SH3RF3: variants seen among roughly 807,000 people sequenced by gnomAD.
The protein encoded by SH3RF3 is SH3 domain containing ring finger 3.
A neutral mutation model predicts 66.3 loss-of-function variants in SH3RF3; 29 were observed. The ratio of observed to expected loss-of-function variants is 0.44; its 90% CI spans 0.33 to 0.60. The LOEUF (loss-of-function observed/expected upper bound fraction) is 0.60. Ranked by LOEUF, SH3RF3 falls within the 20% of genes least tolerant of loss-of-function variation. The probability of loss-of-function intolerance (pLI) is 0.04; values close to 1 mark genes in which losing one functional copy is unlikely to be tolerated. For synonymous variants in SH3RF3, 583 were observed against 532.0 expected, an observed-to-expected ratio of 1.10 and a Z score of -1.32; for missense variants, 1,194 against 1,190.9, an observed-to-expected ratio of 1.00 and a Z score of -0.04.
chr2:109,268,952 C>T (rs760241630), intron 1 of SH3RF3, among the ~76,000 whole-genome samples: 1 of 152,088 alleles, frequency 6.6e-6, no homozygotes, highest in Non-Finnish European at 1.5e-5. Flanking sequence ...TATCTTTTTC[C>T]GTTTTCTGGG....
intron 1 of SH3RF3, among the ~76,000 whole-genome samples, chr2:109,222,358 A>G (rs1484175338): frequency 6.6e-6 from 1 of 152,264 alleles, no homozygotes; most frequent in East Asian, 1.9e-4. Flanking sequence ...GTCCCAACAC[A>G]AAGAAATGAT....
intron 4 of SH3RF3, among the ~76,000 whole-genome samples, chr2:109,404,796 C>T (rs1226571925): frequency 6.6e-6 from 1 of 152,164 alleles, no homozygotes; most frequent in Non-Finnish European, 1.5e-5. Context: ...ACCACCCCTG[C>T]TGCTGAAGCT....
intron 1 of SH3RF3, among the ~76,000 whole-genome samples, chr2:109,180,957 T>C (rs1260827847): frequency 1.3e-5 from 2 of 152,178 alleles, no homozygotes; most frequent in Admixed American, 6.5e-5. Context: ...ATGCAATATG[T>C]TTACCCTGAT....
chr2:109,383,746 G>A (rs143789403), intron 3 of SH3RF3, among the ~76,000 whole-genome samples: 48 of 152,226 alleles, frequency 3.2e-4, no homozygotes, highest in Non-Finnish European at 5.6e-4. Context: ...TTTTATAAAC[G>A]CCTCCCAAAT....
chr2:109,347,638 C>T (rs1384455978), intron 1 of SH3RF3, 36 bp from the exon 2 acceptor site: 5 of 1,601,178 alleles, frequency 3.1e-6, no homozygotes, highest in Admixed American at 1.7e-5. Context: ...TGGGAAGGGG[C>T]ATGCCCGGTG....
Position 109,371,692 on chromosome 2 carries a change from G to T in SH3RF3, c.945+11G>T. ...CTCCTGTACGTGGAGGTAAGACCGT[G>T]CCGCCCTCCCACACTTGGCTCCTTC... On this transcript the variant is annotated intron_variant, in intron 3 of 9. Coordinates refer to ENST00000309415, the MANE Select transcript of SH3RF3 (RefSeq NM_001099289.3). 1 of 1,611,902 alleles carries T rather than the reference G, an allele frequency of 6.2e-7. No individual in the cohort carries two copies. Among genetic ancestry groups the T allele is most frequent in the Non-Finnish European group, 8.5e-7 (1 of 1,178,876 alleles).
chr2:109,418,165 C>A (rs1676774660), intron 4 of SH3RF3, among the ~76,000 whole-genome samples: 1 of 152,150 alleles, frequency 6.6e-6, no homozygotes, highest in South Asian at 2.1e-4. Context: ...TCCTGTGCTC[C>A]AGTTTCTGCT....
At chr2:109,382,220 G>A (rs1056889435) in intron 3 of SH3RF3, among the ~76,000 whole-genome samples, 25 of 152,206 alleles carry the variant, frequency 1.6e-4, no homozygotes, top group African/African-American at 6.0e-4. Flanking sequence ...AAGTTACCAT[G>A]CCAGCACATA....
chr2:109,381,422 T>G (rs1675663297), intron 3 of SH3RF3, among the ~76,000 whole-genome samples: 1 of 152,202 alleles, frequency 6.6e-6, no homozygotes, highest in African/African-American at 2.4e-5. Flanking sequence ...CCTGCTGGTC[T>G]CAGCACGCAC....
chr2:109,320,064 T>C (rs1382431563), intron 1 of SH3RF3, among the ~76,000 whole-genome samples: 2 of 152,188 alleles, frequency 1.3e-5, no homozygotes, highest in Admixed American at 6.5e-5. Context: ...TCCTCGAAGC[T>C]GGGGGTGGCC....
At chr2:109,152,941 C>G (rs776773580) in intron 1 of SH3RF3, among the ~76,000 whole-genome samples, 29 of 152,212 alleles carry the variant, frequency 1.9e-4, no homozygotes, top group Non-Finnish European at 3.8e-4. Flanking sequence ...ATGAAAACTT[C>G]TGGGAAAGGC....
chr2:109,409,599 A>C (rs1207587935), intron 4 of SH3RF3, among the ~76,000 whole-genome samples: 2 of 152,112 alleles, frequency 1.3e-5, no homozygotes, highest in Admixed American at 6.5e-5. Context: ...AGTTCCCCTC[A>C]CCAGCTGAGA....
At chr2:109,249,145 A>G (rs1030173375) in intron 1 of SH3RF3, among the ~76,000 whole-genome samples, 3 of 152,162 alleles carry the variant, frequency 2.0e-5, no homozygotes, top group African/African-American at 7.2e-5. Context: ...CCTCTCAAAA[A>G]AGGATTGATT....
At chr2:109,396,037 G>A (rs1393757232) in intron 3 of SH3RF3, among the ~76,000 whole-genome samples, 3 of 152,222 alleles carry the variant, frequency 2.0e-5, no homozygotes, top group South Asian at 2.1e-4. Context: ...GTGCAGGCGC[G>A]TGGCAGGTGT....
intron 1 of SH3RF3, among the ~76,000 whole-genome samples, chr2:109,163,345 A>G (rs928672287): frequency 6.6e-6 from 1 of 150,444 alleles, no homozygotes; most frequent in African/African-American, 2.5e-5. Flanking sequence ...AGGGCCATCA[A>G]AGGGCGGACT....
chr2:109,197,469 C>T (rs1678534230), intron 1 of SH3RF3, among the ~76,000 whole-genome samples: 1 of 152,322 alleles, frequency 6.6e-6, no homozygotes, highest in South Asian at 2.1e-4. Flanking sequence ...TGAGGCTCTC[C>T]CCAACCCCAG....
intron 1 of SH3RF3, among the ~76,000 whole-genome samples, chr2:109,239,698 G>C (rs1031568408): frequency 2.0e-5 from 3 of 152,094 alleles, no homozygotes; most frequent in Non-Finnish European, 2.9e-5. Flanking sequence ...TAGATTTTAG[G>C]GAGGGAGTTG....
At position 109,405,077 on chromosome 2, in the gene SH3RF3, A is replaced by G. The variant is rs116099029; in HGVS notation, c.1299+6134A>G. 8.7e-3 allele frequency among the ~76,000 whole-genome samples: 1,130 copies of G among 130,240 alleles called. 19 individuals are homozygous for G. The highest frequency in any genetic ancestry group is 0.031 in the African/African-American group (1,047 of 33,770). The allele number at this position is 130,240 out of a possible 152,430, so 85.4% of individuals were successfully genotyped here. On this transcript the variant is annotated intron_variant, in intron 4 of 9. Coordinates refer to ENST00000309415, the MANE Select transcript of SH3RF3 (RefSeq NM_001099289.3). ...CAAATACCCCCCACCTTCTCTTCCC[A>G]TCCTGGGCATACTCACCCATGGGGG... is the stretch of plus-strand genomic sequence containing the variant.
intron 1 of SH3RF3, among the ~76,000 whole-genome samples, chr2:109,180,130 T>TC (rs1408890099): frequency 1.3e-5 from 2 of 151,960 alleles, no homozygotes; most frequent in African/African-American, 4.8e-5. Flanking sequence ...TTTTTTTTTT[T>TC]TCTCTAGTCT....
Sources: allele counts gnomAD v4.1 joint callset (sites outside exome capture counted in the v4.1 genomes callset), GRCh38; gene constraint gnomAD v4.1.1; transcripts MANE v1.5; gene names NCBI Gene and HGNC (gene_info 2026-07-23, HGNC 2026-07-21).